Variants in TUSC3 observed in about 807,000 individuals in gnomAD.
The protein encoded by TUSC3 is dolichyl-diphosphooligosaccharide--protein glycosyltransferase subunit TUSC3.
TUSC3 carries 45 observed loss-of-function variants against 44.8 expected under a neutral mutation model. The ratio of observed to expected loss-of-function variants is 1.00; its 90% CI spans 0.79 to 1.29. The LOEUF (loss-of-function observed/expected upper bound fraction) is 1.29, where lower values mean the gene tolerates loss of function less well. TUSC3 is among the 50% of genes most tolerant of loss of function. The pLI is 0.00. For missense variants in TUSC3, 519 were observed against 437.9 expected (o/e 1.19, Z -1.65); for synonymous variants, 212 against 152.9 (o/e 1.39, Z -2.85).
intron 6 of TUSC3, among the ~76,000 whole-genome samples, chr8:15,684,645 C>G (rs1015774690): frequency 9.2e-5 from 14 of 152,164 alleles, no homozygotes; most frequent in African/African-American, 3.1e-4. Context: ...ATGCCCAGCT[C>G]TGATGTCAGC....
chr8:15,735,719 C>G (rs761403256), intron 7 of TUSC3, among the ~76,000 whole-genome samples: 4 of 151,976 alleles, frequency 2.6e-5, no homozygotes, highest in African/African-American at 9.7e-5. Context: ...TTTTTTGAGA[C>G]GGAGTCTCAC....
intron 6 of TUSC3, among the ~76,000 whole-genome samples, chr8:15,719,839 G>A (rs1247671575): frequency 4.6e-5 from 7 of 152,074 alleles, no homozygotes; most frequent in Non-Finnish European, 8.8e-5. Flanking sequence ...AAGCCTCGCA[G>A]CCTGGTATGG....
intron 2 of TUSC3, among the ~76,000 whole-genome samples, chr8:15,502,557 C>A (rs2129127082): frequency 6.6e-6 from 1 of 152,344 alleles, no homozygotes; most frequent in South Asian, 2.1e-4. Flanking sequence ...GTGGCGCGAT[C>A]TCCGCTCACT....
At chr8:15,772,964 TAA>T in the TUSC3 span, among the ~76,000 whole-genome samples, 4 of 19,472 alleles carry the variant, frequency 2.1e-4, no homozygotes, top group African/African-American at 9.7e-4. Context: ...ATCCATCATT[TAA>T]AAGTGAACAC....
chr8:15,537,455 C>T (rs1801540406), upstream of TUSC3, among the ~76,000 whole-genome samples: 1 of 152,160 alleles, frequency 6.6e-6, no homozygotes, highest in Admixed American at 6.5e-5. Context: ...TCAGGACCTC[C>T]TGAGGCTGTG....
intron 1 of TUSC3, among the ~76,000 whole-genome samples, chr8:15,453,479 G>A (rs1164136156): frequency 6.6e-6 from 1 of 152,068 alleles, no homozygotes; most frequent in Non-Finnish European, 1.5e-5. Flanking sequence ...TCAGGCTTTT[G>A]AGTCTTGTCA....
At chr8:15,760,974 A>G (rs1453250943) in intron 10 of TUSC3, among the ~76,000 whole-genome samples, 1 of 152,092 alleles carries the variant, frequency 6.6e-6, no homozygotes, top group African/African-American at 2.4e-5. Flanking sequence ...ATCATACTTA[A>G]TCACACCCAG....
At chr8:15,582,724 C>A (rs1221461762) in intron 1 of TUSC3, among the ~76,000 whole-genome samples, 1 of 152,172 alleles carries the variant, frequency 6.6e-6, no homozygotes. Flanking sequence ...CCTGGTGTAA[C>A]CTGAAACCAG....
chr8:15,787,631 T>A, the TUSC3 span, among the ~76,000 whole-genome samples: 1 of 152,210 alleles, frequency 6.6e-6, no homozygotes, highest in African/African-American at 2.4e-5. Flanking sequence ...TTCCAAAAGA[T>A]GAGAATTTGA....
At chr8:15,758,722 C>T (rs541051576) in intron 10 of TUSC3, among the ~76,000 whole-genome samples, 9 of 152,170 alleles carry the variant, frequency 5.9e-5, no homozygotes, top group African/African-American at 1.7e-4. Context: ...TCTTCTCCCC[C>T]CAGATTGACT....
the TUSC3 span, among the ~76,000 whole-genome samples, chr8:15,827,722 C>A: frequency 6.6e-6 from 1 of 152,186 alleles, no homozygotes; most frequent in Non-Finnish European, 1.5e-5. Context: ...GTAAACTGAA[C>A]CATTTGCCCC....
the TUSC3 span, among the ~76,000 whole-genome samples, chr8:15,801,613 A>G: frequency 1.3e-5 from 2 of 152,146 alleles, no homozygotes; most frequent in African/African-American, 4.8e-5. Flanking sequence ...AATTGGAGGC[A>G]GTATATGGCA....
At chr8:15,704,592 A>ACG (rs1208853294) in intron 6 of TUSC3, among the ~76,000 whole-genome samples, 2 of 152,098 alleles carry the variant, frequency 1.3e-5, no homozygotes, top group Non-Finnish European at 2.9e-5. Flanking sequence ...CTAGACTGTA[A>ACG]CGCTGGTTCT....
At chr8:15,831,679 T>A in the TUSC3 span, among the ~76,000 whole-genome samples, 1 of 152,094 alleles carries the variant, frequency 6.6e-6, no homozygotes. Flanking sequence ...AATATCAGAA[T>A]AGACCAAGCT....
rs76151960 is a variant in TUSC3 at position 15,694,012 on chromosome 8, A to G, written c.798+20176A>G. Among the ~76,000 whole-genome samples, 1,030 of 152,108 alleles carry G rather than the reference A, an allele frequency of 6.8e-3. 11 individuals are homozygous for G. Among genetic ancestry groups the G allele is most frequent in the African/African-American group, 0.024 (976 of 41,478 alleles). On this transcript the variant is annotated intron_variant, in intron 6 of 10. Transcript: ENST00000503731. ...AGTTTAGTTCTTTGTTGAAATAGCC[A>G]TTTTGTCTTTCATCTCCTGTATAGT...
chr8:15,523,704 G>GTATATATATATATATATATATATA lies in TUSC3; in HGVS notation n.189+40222_189+40223insATATATATATATATATATATATAT, dbSNP rs1563273688. 2.0e-4 allele frequency among the ~76,000 whole-genome samples: 22 copies of GTATATATATATATATATATATATA among 112,552 alleles called. 1 individual carries two copies. Among genetic ancestry groups the GTATATATATATATATATATATATA allele is most frequent in the South Asian group, 6.5e-4 (2 of 3,080 alleles). 73.8% of individuals were successfully genotyped at this position (112,552 alleles called of 152,430 possible). On this transcript the variant is annotated intron_variant and non_coding_transcript_variant, in intron 2 of 5. Coordinates refer to the TUSC3 transcript ENST00000503191. ...TGTGTGTGTGTGTGTGTGTGTGTGT[G>GTATATATATATATATATATATATA]TGTGTATATATATATATATATAAAG... is the stretch of plus-strand genomic sequence containing the variant.
chr8:15,803,490 C>G, the TUSC3 span, among the ~76,000 whole-genome samples: 2 of 152,008 alleles, frequency 1.3e-5, no homozygotes, highest in Non-Finnish European at 2.9e-5. Context: ...ATATATTTTT[C>G]TTATGTAAGG....
chr8:15,561,324 G>A (rs1489496680), intron 1 of TUSC3, among the ~76,000 whole-genome samples: 8 of 146,440 alleles, frequency 5.5e-5, no homozygotes, highest in African/African-American at 7.5e-5. Flanking sequence ...TAGGAGGTCA[G>A]GGGTCAGGGA....
intron 1 of TUSC3, among the ~76,000 whole-genome samples, chr8:15,576,646 A>AT (rs1226781199): frequency 1.4e-5 from 2 of 141,732 alleles, no homozygotes; most frequent in Admixed American, 1.4e-4. Context: ...CGAACTCATC[A>AT]TTTTTTATGG....
Sources: allele counts gnomAD v4.1 joint callset (sites outside exome capture counted in the v4.1 genomes callset), GRCh38; gene constraint gnomAD v4.1.1; transcripts MANE v1.5; gene names NCBI Gene and HGNC (gene_info 2026-07-23, HGNC 2026-07-21).